Variants in PRKD1 observed in about 807,000 individuals in gnomAD.
PRKD1 encodes the protein protein kinase D1.
A neutral mutation model predicts 95.9 loss-of-function variants in PRKD1; 63 were observed. The ratio of observed to expected loss-of-function variants is 0.66; its 90% CI spans 0.54 to 0.81. PRKD1 has a LOEUF of 0.81. Among genes scored for constraint, PRKD1 ranks in the 30% least tolerant of loss-of-function variants. The pLI, the probability that PRKD1 is intolerant of heterozygous loss-of-function variation, is 0.00. For missense variants in PRKD1, 1,048 were observed against 1,165.3 expected (o/e 0.90, Z 1.47); for synonymous variants, 425 against 423.1 (o/e 1.00, Z -0.05).
At chr14:29,894,966 T>G (rs183754172) in intron 1 of PRKD1, among the ~76,000 whole-genome samples, 1 of 152,362 alleles carries the variant, frequency 6.6e-6, no homozygotes, top group African/African-American at 2.4e-5. Context: ...ACAGTCTATA[T>G]TTAAATTCCA....
intron 1 of PRKD1, among the ~76,000 whole-genome samples, chr14:29,839,909 C>A (rs1311818865): frequency 1.3e-5 from 2 of 152,028 alleles, no homozygotes; most frequent in Non-Finnish European, 2.9e-5. Flanking sequence ...GACCAGCCCA[C>A]AAAACCATTT....
chr14:29,704,787 T>C (rs1039355289), intron 2 of PRKD1, among the ~76,000 whole-genome samples: 4 of 152,162 alleles, frequency 2.6e-5, no homozygotes, highest in Admixed American at 1.3e-4. Flanking sequence ...GTTATTTTTT[T>C]CTCATTTTTT....
At chr14:29,834,818 GA>G (rs1388741095) in intron 1 of PRKD1, among the ~76,000 whole-genome samples, 1 of 151,990 alleles carries the variant, frequency 6.6e-6, no homozygotes, top group Non-Finnish European at 1.5e-5. Flanking sequence ...TCTTAGAAAG[GA>G]AGAAACTGAC....
intron 16 of PRKD1, among the ~76,000 whole-genome samples, chr14:29,584,258 T>C (rs1159959803): frequency 6.6e-6 from 1 of 152,168 alleles, no homozygotes; most frequent in Non-Finnish European, 1.5e-5. Flanking sequence ...TTAAAGCAAA[T>C]ACCAAGTGTG....
At chr14:29,666,366 A>T (rs961949732) in intron 2 of PRKD1, among the ~76,000 whole-genome samples, 158 bp from the exon 3 acceptor site, 1 of 151,974 alleles carries the variant, frequency 6.6e-6, no homozygotes. Flanking sequence ...GCCATTAGAC[A>T]TTATTCCCAG....
At chr14:29,636,855 G>A (rs1880418057) in intron 6 of PRKD1, among the ~76,000 whole-genome samples, 2 of 152,098 alleles carry the variant, frequency 1.3e-5, no homozygotes, top group South Asian at 2.1e-4. Context: ...CCACTTATAA[G>A]TGAGAACATG....
chr14:29,924,269 T>C (rs535491287), intron 1 of PRKD1, among the ~76,000 whole-genome samples: 95 of 152,364 alleles, frequency 6.2e-4, no homozygotes, highest in Non-Finnish European at 1.2e-3. Context: ...TAAGTCAGTA[T>C]ATACTTAGGG....
At chr14:29,750,740 A>G (rs1887444460) in intron 1 of PRKD1, among the ~76,000 whole-genome samples, 1 of 152,142 alleles carries the variant, frequency 6.6e-6, no homozygotes, top group South Asian at 2.1e-4. Context: ...AAATTCACAT[A>G]GACAGTGGTC....
chr14:29,927,240 G>T lies in PRKD1; in HGVS notation c.264+9C>A. On this transcript the variant is annotated intron_variant, in intron 1 of 17. Transcript: ENST00000331968. ...GAGGCGCCGGGCTGGCAGCGGTGCG[G>T]CGACTTACCTTCTGGTCGACAATGG... The T allele has an allele frequency of 6.7e-7, 1 of 1,492,096 alleles. No individual in the cohort carries two copies. 92.4% of individuals were successfully genotyped at this position (1,492,096 alleles called of 1,614,324 possible).
chr14:29,809,531 T>A (rs1235935849), intron 1 of PRKD1, among the ~76,000 whole-genome samples: 1 of 152,240 alleles, frequency 6.6e-6, no homozygotes, highest in East Asian at 1.9e-4. Flanking sequence ...TGCTTCTACA[T>A]CAGCACTTGC....
intron 1 of PRKD1, among the ~76,000 whole-genome samples, chr14:29,840,521 A>T (rs753669032): frequency 7.2e-5 from 11 of 152,078 alleles, no homozygotes; most frequent in Non-Finnish European, 1.5e-4. Context: ...TTCCACATTT[A>T]TGGGTATCTT....
At chr14:29,710,771 C>A (rs548044666) in intron 2 of PRKD1, among the ~76,000 whole-genome samples, 15 of 152,178 alleles carry the variant, frequency 9.9e-5, no homozygotes, top group African/African-American at 2.9e-4. Context: ...CTGGGTGAGA[C>A]AAACTGTGTA....
intron 2 of PRKD1, among the ~76,000 whole-genome samples, chr14:29,691,265 A>G (rs1884216564): frequency 6.6e-6 from 1 of 152,232 alleles, no homozygotes; most frequent in Admixed American, 6.5e-5. Context: ...TCCCATGGCC[A>G]GTGGTTCTAT....
At chr14:29,769,612 G>A (rs1888414434) in intron 1 of PRKD1, among the ~76,000 whole-genome samples, 1 of 152,066 alleles carries the variant, frequency 6.6e-6, no homozygotes, top group Admixed American at 6.6e-5. Flanking sequence ...GACAGTCCAT[G>A]TGTGTCAACA....
intron 4 of PRKD1, among the ~76,000 whole-genome samples, chr14:29,642,640 T>C (rs1266810595): frequency 6.6e-6 from 1 of 152,196 alleles, no homozygotes; most frequent in Non-Finnish European, 1.5e-5. Context: ...TTATTATACA[T>C]AAATAAAACT....
At chr14:29,861,667 T>C (rs1265314688) in intron 1 of PRKD1, among the ~76,000 whole-genome samples, 2 of 152,196 alleles carry the variant, frequency 1.3e-5, no homozygotes, top group Non-Finnish European at 2.9e-5. Flanking sequence ...TTTTTGTTTT[T>C]TCTGAGATGG....
intron 2 of PRKD1, among the ~76,000 whole-genome samples, chr14:29,676,706 T>C (rs1449619381): frequency 2.6e-5 from 4 of 152,098 alleles, no homozygotes; most frequent in Admixed American, 6.6e-5. Context: ...AACCGAGATA[T>C]TAAGGTAGGG....
Position 29,593,086 on chromosome 14 carries a change from A to C in PRKD1, c.2434+4405T>G, listed in dbSNP as rs149167627. Among the ~76,000 whole-genome samples, 1,069 of 152,290 alleles carry C rather than the reference A, an allele frequency of 7.0e-3. 5 individuals carry two copies. The highest frequency in any genetic ancestry group is 0.023 in the African/African-American group (972 of 41,572). On this transcript the variant is annotated intron_variant, in intron 16 of 17. Coordinates refer to ENST00000331968, the MANE Select transcript of PRKD1 (RefSeq NM_002742.3). ...ATTACCTAATCTTCAAAATGGAAAC[A>C]ATAATAAAACAATCCTTTGAGTAAA... is the stretch of plus-strand genomic sequence containing the variant.
intron 13 of PRKD1, among the ~76,000 whole-genome samples, chr14:29,615,922 G>T (rs1016826991): frequency 6.6e-6 from 1 of 152,122 alleles, no homozygotes; most frequent in Non-Finnish European, 1.5e-5. Context: ...TAGGCTGATT[G>T]GTTTCGGGTG....
Sources: allele counts gnomAD v4.1 joint callset (sites outside exome capture counted in the v4.1 genomes callset), GRCh38; gene constraint gnomAD v4.1.1; transcripts MANE v1.5; gene names NCBI Gene and HGNC (gene_info 2026-07-23, HGNC 2026-07-21).